The following ANO2 variants were observed in gnomAD, a reference collection of about 807,000 sequenced individuals.
The protein encoded by ANO2 is anoctamin 2.
A neutral mutation model predicts 124.2 loss-of-function variants in ANO2; 101 were observed. The observed-to-expected ratio is 0.81, with a 90% CI of 0.69 to 0.96. The LOEUF (loss-of-function observed/expected upper bound fraction) is 0.96. Ranked by LOEUF, ANO2 falls within the 40% of genes least tolerant of loss-of-function variation. ANO2 has a pLI of 0.00. For synonymous variants in ANO2, 486 were observed against 482.5 expected (o/e 1.01, Z -0.09); for missense variants, 1,293 against 1,274.5 (o/e 1.01, Z -0.22).
At chr12:5,702,162 G>C (rs1021611659) in intron 14 of ANO2, among the ~76,000 whole-genome samples, 2 of 152,156 alleles carry the variant, frequency 1.3e-5, no homozygotes, top group African/African-American at 4.8e-5. Context: ...GGAGATTTCA[G>C]CACAACACAT....
chr12:5,755,554 C>G (rs1013775614), intron 10 of ANO2, among the ~76,000 whole-genome samples: 6 of 152,064 alleles, frequency 3.9e-5, no homozygotes, highest in African/African-American at 1.2e-4. Flanking sequence ...ATCCCTCCCC[C>G]CTCTCCCCAC....
At chr12:5,732,488 G>C (rs746412942) in intron 14 of ANO2, 32 bp downstream of exon 14, 2 of 1,568,368 alleles carry the variant, frequency 1.3e-6, no homozygotes, top group Admixed American at 3.5e-5. Context: ...AACAAGTAAA[G>C]AGGACCGTGA....
At chr12:5,722,731 T>C (rs542222909) in intron 14 of ANO2, among the ~76,000 whole-genome samples, 1 of 152,230 alleles carries the variant, frequency 6.6e-6, no homozygotes, top group South Asian at 2.1e-4. Context: ...TATGTGTGTG[T>C]GTGTGCACAC....
chr12:5,830,302 TCTTCTCTGTTGCTAGGCAACTCCA>T, intron 6 of ANO2, 109 bp downstream of exon 6: 5 of 859,182 alleles, frequency 5.8e-6, no homozygotes, highest in Non-Finnish European at 9.0e-6. Context: ...TCTTGCATAC[TCTTCTCTGTTGCTAGGCAACTCCA>T]AGCAAATAAC....
At chr12:5,851,870 C>T (rs1954922265) in intron 4 of ANO2, 2 of 703,878 alleles carry the variant, frequency 2.8e-6, no homozygotes, top group Non-Finnish European at 5.2e-6. Context: ...TGAAAAAGGA[C>T]ACACTTTTCC....
intron 4 of ANO2, among the ~76,000 whole-genome samples, chr12:5,845,474 G>A (rs578079509): frequency 2.0e-3 from 297 of 151,350 alleles, no homozygotes; most frequent in African/African-American, 7.0e-3. Context: ...GGCTGAGGCC[G>A]GAGAATGGCA....
intron 1 of ANO2, among the ~76,000 whole-genome samples, chr12:5,923,905 C>T (rs1941956270): frequency 6.6e-6 from 1 of 152,202 alleles, no homozygotes; most frequent in Non-Finnish European, 1.5e-5. Context: ...CTTGCCAGCT[C>T]TAAGACCTCT....
chr12:5,744,347 T>C (rs1250064204), intron 11 of ANO2, 30 bp from the exon 12 acceptor site: 3 of 1,613,222 alleles, frequency 1.9e-6, no homozygotes, highest in East Asian at 2.2e-5. Context: ...TTGGGTCAGG[T>C]GGAGCTCAAG....
chr12:5,675,783 AGATCTCAAT>A (rs1468333673), intron 14 of ANO2, among the ~76,000 whole-genome samples: 1 of 152,216 alleles, frequency 6.6e-6, no homozygotes, highest in East Asian at 1.9e-4. Context: ...TGTAAAATAA[AGATCTCAAT>A]GATCTGTGCA....
intron 1 of ANO2, among the ~76,000 whole-genome samples, chr12:5,937,752 G>A (rs1942714817): frequency 6.6e-6 from 1 of 152,068 alleles, no homozygotes; most frequent in Non-Finnish European, 1.5e-5. Flanking sequence ...AATCCAAGGT[G>A]TTTCTCAAGA....
At chr12:5,919,518 A>G (rs112847189) in intron 3 of ANO2, among the ~76,000 whole-genome samples, 2 of 140,518 alleles carry the variant, frequency 1.4e-5, no homozygotes, top group Non-Finnish European at 3.2e-5. Context: ...AGGTGCCCAA[A>G]GCAGAGAGGG....
chr12:5,856,996 T>C (rs1264213370), intron 3 of ANO2, among the ~76,000 whole-genome samples: 1 of 152,204 alleles, frequency 6.6e-6, no homozygotes, highest in Non-Finnish European at 1.5e-5. Context: ...CTGTGCAATA[T>C]TGTTACCTTC....
chr12:5,742,427 C>A (rs1951127120), intron 12 of ANO2, among the ~76,000 whole-genome samples: 1 of 152,008 alleles, frequency 6.6e-6, no homozygotes, highest in Non-Finnish European at 1.5e-5. Flanking sequence ...CAATCTCACC[C>A]CTGAGTACTT....
intron 14 of ANO2, among the ~76,000 whole-genome samples, chr12:5,652,471 G>A (rs114872315): frequency 0.014 from 2,098 of 151,958 alleles, 30 homozygotes; most frequent in African/African-American, 0.046. Flanking sequence ...ATTTAATAAT[G>A]TACCATTTAT....
chr12:5,903,017 A>G (rs1940423130), intron 3 of ANO2, among the ~76,000 whole-genome samples: 1 of 151,132 alleles, frequency 6.6e-6, no homozygotes, highest in Non-Finnish European at 1.5e-5. Context: ...CTTCCTGGTG[A>G]GGTATATGAC....
chr12:5,748,713 A>G (rs1242726762), intron 11 of ANO2, among the ~76,000 whole-genome samples: 2 of 152,058 alleles, frequency 1.3e-5, no homozygotes, highest in African/African-American at 4.8e-5. Context: ...GTTCATAAGT[A>G]TTAGCTCTTC....
rs1952918152 is a variant in ANO2, at chr12:5,797,981, C to A, written c.1055+1526G>T. On this transcript the variant is annotated intron_variant, in intron 10 of 24. Transcript: ENST00000682330. ...GAGTGCATATTGGAGCCATTTGCCA[C>A]TTAGCTGGCAGCGAGTCACCTGAAG... Among the ~76,000 whole-genome samples the A allele has an allele frequency of 2.6e-5, 4 of 152,332 alleles. No individual in the cohort carries two copies. The South Asian group carries it at 8.3e-4, about 32-fold the overall frequency.
chr12:5,922,479 A>G (rs1393375056), intron 2 of ANO2, 141 bp downstream of exon 2: 3 of 947,180 alleles, frequency 3.2e-6, no homozygotes, highest in Non-Finnish European at 4.5e-6. Context: ...CAGAGAAGAG[A>G]AAAGGCCCTA....
At chr12:5,926,354 G>C (rs1942077434) in intron 1 of ANO2, among the ~76,000 whole-genome samples, 1 of 152,080 alleles carries the variant, frequency 6.6e-6, no homozygotes, top group African/African-American at 2.4e-5. Context: ...TCCCCACAAG[G>C]CAGCCAGGGG....
Sources: allele counts gnomAD v4.1 joint callset (sites outside exome capture counted in the v4.1 genomes callset), GRCh38; gene constraint gnomAD v4.1.1; transcripts MANE v1.5; gene names NCBI Gene and HGNC (gene_info 2026-07-23, HGNC 2026-07-21).